The following DCAF17 variants were observed in gnomAD, a reference collection of about 807,000 sequenced individuals.
The protein encoded by DCAF17 is DDB1- and CUL4-associated factor 17.
Under a neutral mutation model 66.0 loss-of-function variants are expected in DCAF17, and 48 were observed. The ratio of observed to expected loss-of-function variants is 0.73; its 90% confidence interval spans 0.58 to 0.92. The LOEUF (loss-of-function observed/expected upper bound fraction) is 0.92, where lower values mean the gene tolerates loss of function less well. Ranked by LOEUF, DCAF17 falls within the 40% of genes least tolerant of loss-of-function variation. The probability of loss-of-function intolerance (pLI) is 0.00; values close to 1 mark genes in which losing one functional copy is unlikely to be tolerated. For missense variants in DCAF17, 562 were observed against 622.8 expected, an observed-to-expected ratio of 0.90 and a Z score of 1.04; for synonymous variants, 206 against 214.6, an observed-to-expected ratio of 0.96 and a Z score of 0.35.
At chr2:171,458,508 T>A (rs759755757) in intron 8 of DCAF17, 31 bp downstream of exon 8, 80 of 1,515,972 alleles carry the variant, frequency 5.3e-5, no homozygotes, top group Non-Finnish European at 7.2e-5. Context: ...TTTTTCACCT[T>A]AAAAAAATTA....
chr2:171,469,776 T>G (rs558763801), intron 9 of DCAF17, among the ~76,000 whole-genome samples: 1 of 152,246 alleles, frequency 6.6e-6, no homozygotes, highest in African/African-American at 2.4e-5. Context: ...GAGTTCCATT[T>G]TTATTTTGTA....
At chr2:171,468,030 C>G (rs975489392) in intron 8 of DCAF17, among the ~76,000 whole-genome samples, 1 of 152,086 alleles carries the variant, frequency 6.6e-6, no homozygotes, top group Admixed American at 6.6e-5. Flanking sequence ...AGGTTAGCCA[C>G]CTGCCCAAAC....
chr2:171,468,903 T>G lies in DCAF17; in HGVS notation c.854T>G (p.Leu285Arg), dbSNP rs746899310. The G allele has an allele frequency of 4.3e-6, 7 of 1,614,006 alleles. No homozygotes were observed. Among genetic ancestry groups the G allele is most frequent in the Non-Finnish European group, 5.9e-6 (7 of 1,180,004 alleles). ...NIKITDMPPL[L>R]FEVSSLENAF... Reference sequence around the variant, plus strand: ...GTCTCTACAGACATGCCACCACTGCTCTTTGAGGTGTCATCCCTGGAGAAT... The same window carrying G: ...GTCTCTACAGACATGCCACCACTGCGCTTTGAGGTGTCATCCCTGGAGAAT... The change falls in exon 9 of 14, where the codon CTC (leucine) becomes CGC (arginine). Residue 285 changes from leucine to arginine, a missense_variant. Transcript: ENST00000375255.
chr2:171,435,223 C>T (rs1216681237), intron 2 of DCAF17, 37 bp downstream of exon 2: 2 of 1,421,080 alleles, frequency 1.4e-6, no homozygotes, highest in Admixed American at 1.7e-5. Flanking sequence ...TAATTCACCT[C>T]ACTGTTGATC....
At chr2:171,477,861 G>A in intron 11 of DCAF17, 126 bp from the exon 12 acceptor site, 1 of 766,344 alleles carries the variant, frequency 1.3e-6, no homozygotes, top group Non-Finnish European at 2.3e-6. Flanking sequence ...AATTTTCTCA[G>A]TTGAGGAAAG....
Position 171,480,110 on chromosome 2 carries a change from G to A in DCAF17, c.1339G>A (p.Glu447Lys). 5 of 1,613,816 alleles carry A rather than the reference G, an allele frequency of 3.1e-6. No homozygotes were observed. The highest frequency in any genetic ancestry group is 4.2e-6 in the Non-Finnish European group (5 of 1,179,804). Reference sequence around the variant, plus strand: ...GGTAGCTGTTACTCAAATAGATGCTGAAGGAAAAGCTCACCTGGATTTCCA... The same window carrying A: ...GGTAGCTGTTACTCAAATAGATGCTAAAGGAAAAGCTCACCTGGATTTCCA... Reference protein sequence around the residue: ...SVVAVTQIDAEGKAHLDFHCN... With the variant: ...SVVAVTQIDAKGKAHLDFHCN... The change falls in exon 13 of 14, where the codon GAA becomes AAA. Residue 447 changes from glutamate to lysine, a missense_variant. Transcript: ENST00000375255.
intron 4 of DCAF17, among the ~76,000 whole-genome samples, chr2:171,449,354 T>G (rs1261370243): frequency 6.6e-6 from 1 of 152,300 alleles, no homozygotes; most frequent in East Asian, 1.9e-4. Flanking sequence ...TGTAATAGTT[T>G]AAATAAACTT....
intron 8 of DCAF17, among the ~76,000 whole-genome samples, chr2:171,461,065 C>T (rs1255542107): frequency 6.6e-6 from 1 of 152,154 alleles, no homozygotes; most frequent in Non-Finnish European, 1.5e-5. Flanking sequence ...GTTTTTCAAT[C>T]TTAAGGTCTA....
At chr2:171,473,829 C>G in intron 9 of DCAF17, 37 bp from the exon 10 acceptor site, 1 of 1,523,908 alleles carries the variant, frequency 6.6e-7, no homozygotes, top group Non-Finnish European at 9.1e-7. Flanking sequence ...TTGATTTTCC[C>G]TTAATCTTTG....
chr2:171,463,827 C>T (rs1695739085), intron 8 of DCAF17, among the ~76,000 whole-genome samples: 1 of 152,184 alleles, frequency 6.6e-6, no homozygotes, highest in South Asian at 2.1e-4. Context: ...AAAGCTTTAA[C>T]TCATCAGCTA....
chr2:171,463,563 C>G (rs1695724673), intron 8 of DCAF17, among the ~76,000 whole-genome samples: 1 of 152,126 alleles, frequency 6.6e-6, no homozygotes, highest in Non-Finnish European at 1.5e-5. Context: ...CAAAGTGGTT[C>G]TGTGTGTGTG....
chr2:171,444,557 T>A (rs553207698), intron 3 of DCAF17, among the ~76,000 whole-genome samples: 2 of 152,342 alleles, frequency 1.3e-5, no homozygotes, highest in Admixed American at 1.3e-4. Flanking sequence ...ATTATGCATA[T>A]GCAAATATCC....
At chr2:171,436,209 G>C (rs186769288) in intron 2 of DCAF17, among the ~76,000 whole-genome samples, 1 of 152,068 alleles carries the variant, frequency 6.6e-6, no homozygotes, top group South Asian at 2.1e-4. Flanking sequence ...CACATTTTAC[G>C]TATCCGTTTA....
chr2:171,458,187 C>A, intron 7 of DCAF17, 112 bp downstream of exon 7: 1 of 1,121,298 alleles, frequency 8.9e-7, no homozygotes, highest in Non-Finnish European at 1.3e-6. Context: ...TAGATTTTGG[C>A]TCTAAAAAAC....
chr2:171,484,464 T>A lies in DCAF17; in HGVS notation c.*3350T>A. ...ACATCTTACTCTACTTGTTTTATTA[T>A]TTTCCTATCCAGCGTACTTTTTGAT... is the stretch of plus-strand genomic sequence containing the variant. On this transcript the variant is annotated 3_prime_UTR_variant, in exon 14 of 14. Coordinates refer to ENST00000375255, the MANE Select transcript of DCAF17 (RefSeq NM_025000.4). 2.3e-6 allele frequency: 1 copy of A among 433,034 alleles called. No homozygotes were observed. Among genetic ancestry groups the A allele is most frequent in the Non-Finnish European group, 4.6e-6 (1 of 219,504 alleles). 26.8% of individuals were successfully genotyped at this position (433,034 alleles called of 1,614,324 possible).
chr2:171,451,005 T>C (rs1039396568), intron 5 of DCAF17, among the ~76,000 whole-genome samples: 2 of 151,382 alleles, frequency 1.3e-5, no homozygotes, highest in Admixed American at 1.3e-4. Flanking sequence ...TTCTGTAATA[T>C]GGACTGGCAG....
At chr2:171,473,226 G>A (rs1309907215) in intron 9 of DCAF17, among the ~76,000 whole-genome samples, 5 of 152,178 alleles carry the variant, frequency 3.3e-5, no homozygotes, top group African/African-American at 2.4e-5. Flanking sequence ...AAGTTGTGGA[G>A]AACTGCATGT....
At chr2:171,448,913 A>G in intron 4 of DCAF17, 96 bp downstream of exon 4, 1 of 1,119,242 alleles carries the variant, frequency 8.9e-7, no homozygotes, top group Non-Finnish European at 1.3e-6. Context: ...TCAGTTTTCT[A>G]ATCCATTACC....
chr2:171,475,453 T>A (rs1002383179), intron 10 of DCAF17, among the ~76,000 whole-genome samples: 1 of 152,210 alleles, frequency 6.6e-6, no homozygotes, highest in African/African-American at 2.4e-5. Context: ...ACAGAGTAGA[T>A]GCTCAGTATT....
Sources: allele counts gnomAD v4.1 joint callset (sites outside exome capture counted in the v4.1 genomes callset), GRCh38; gene constraint gnomAD v4.1.1; transcripts MANE v1.5; gene names NCBI Gene and HGNC (gene_info 2026-07-23, HGNC 2026-07-21).